The following TCP11 variants were observed in gnomAD, a reference collection of about 807,000 sequenced individuals.
TCP11 encodes the protein t-complex 11, also known as T-complex protein 11 homolog.
TCP11 carries 34 observed loss-of-function variants against 45.0 expected under a neutral mutation model. The observed-to-expected ratio is 0.76, with a 90% CI of 0.57 to 1.01. The LOEUF is 1.01. Ranked by LOEUF, TCP11 falls within the 50% of genes least tolerant of loss-of-function variation. The pLI is 0.00. For missense variants in TCP11, 523 were observed against 598.1 expected (o/e 0.87, Z 1.31); for synonymous variants, 227 against 227.0 (o/e 1.00, Z 0.00).
intron 8 of TCP11, among the ~76,000 whole-genome samples, chr6:35,119,728 A>G (rs751630054): frequency 6.6e-6 from 1 of 152,160 alleles, no homozygotes; most frequent in Non-Finnish European, 1.5e-5. Flanking sequence ...ATTTTTATAT[A>G]TATATGTTTA....
At chr6:35,140,295 T>C (rs371185229) in intron 2 of TCP11, 46 of 1,223,072 alleles carry the variant, frequency 3.8e-5, no homozygotes, top group East Asian at 8.9e-5. Context: ...GGAGAAGACC[T>C]TGTGCCCCAA....
At chr6:35,140,156 A>C in intron 2 of TCP11, 2 of 1,603,312 alleles carry the variant, frequency 1.2e-6, no homozygotes, top group Non-Finnish European at 1.7e-6. Context: ...TTCGCATTTC[A>C]ATAGTCAAGA....
At chr6:35,128,735 G>A (rs970164836) in intron 4 of TCP11, 8 of 205,160 alleles carry the variant, frequency 3.9e-5, no homozygotes, top group Non-Finnish European at 5.9e-5. Flanking sequence ...GGCCAGTAAC[G>A]TCTCATGGCA....
Position 35,120,709 on chromosome 6 carries a change from A to G in TCP11, c.716-63T>C. On this transcript the variant is annotated intron_variant, in intron 6 of 9. Coordinates refer to ENST00000311875, the MANE Select transcript of TCP11 (RefSeq NM_001370687.1). The surrounding 1 kb of genome is among the most constrained non-coding windows in gnomAD (Gnocchi z 4.9). ...TCTTCATCTCTGAGGCTTCAAGACC[A>G]AGGTTCTTTTCAAGTATACTCCTGG... 1.3e-6 allele frequency: 2 copies of G among 1,518,482 alleles called. No individual in the cohort carries two copies. The highest frequency in any genetic ancestry group is 2.3e-5 in the East Asian group (1 of 44,164). The allele number at this position is 1,518,482 out of a possible 1,614,324, so 94.1% of individuals were successfully genotyped here.
chr6:35,131,631 C>CA (rs1175403346), intron 3 of TCP11, among the ~76,000 whole-genome samples: 4 of 152,036 alleles, frequency 2.6e-5, no homozygotes, highest in African/African-American at 9.6e-5. Flanking sequence ...CATCAAGCCA[C>CA]AAAAAAACAT....
chr6:35,119,410 T>C lies in TCP11; in HGVS notation c.1116-19A>G. ...CTCAGGCCTAGACCATGAAAGAAAG[T>C]AAGCTGGCACCCACCAGGTAACCCT... On this transcript the variant is annotated intron_variant, in intron 8 of 9. Coordinates refer to ENST00000311875, the MANE Select transcript of TCP11 (RefSeq NM_001370687.1). 1 of 1,612,094 alleles carries C rather than the reference T, an allele frequency of 6.2e-7. No individual in the cohort carries two copies. The highest frequency in any genetic ancestry group is 8.5e-7 in the Non-Finnish European group (1 of 1,178,944).
chr6:35,140,515 A>G, intron 2 of TCP11: 1 of 647,428 alleles, frequency 1.5e-6, no homozygotes, highest in East Asian at 3.1e-5. Context: ...CTCAGTCTCA[A>G]ATCTTGTCAG....
chr6:35,126,848 G>A lies in TCP11; in HGVS notation c.357+2214C>T, dbSNP rs185266503. On this transcript the variant is annotated intron_variant, in intron 4 of 9. Coordinates refer to ENST00000311875, the MANE Select transcript of TCP11 (RefSeq NM_001370687.1). Reference sequence around the variant, plus strand: ...TAATTTTTCTATTTTTTGTAGAGATGGGTTTCACCACATTACCCAAGCTGG... The same window carrying A: ...TAATTTTTCTATTTTTTGTAGAGATAGGTTTCACCACATTACCCAAGCTGG... Among the ~76,000 whole-genome samples, 6 of 151,688 alleles carry A rather than the reference G, an allele frequency of 4.0e-5. No individual in the cohort carries two copies. The East Asian group carries it at 9.7e-4, about 25-fold the overall frequency.
At chr6:35,121,706 G>A (rs1039515010) in intron 5 of TCP11, among the ~76,000 whole-genome samples, 2 of 151,868 alleles carry the variant, frequency 1.3e-5, no homozygotes, top group Non-Finnish European at 2.9e-5. Flanking sequence ...CCAGCTACTC[G>A]GGAGGCTGAG....
intron 2 of TCP11, 122 bp from the exon 3 acceptor site, chr6:35,136,340 T>C: frequency 1.5e-6 from 1 of 654,008 alleles, no homozygotes. Flanking sequence ...CTCACCCAAC[T>C]ATTCTAGTGA....
At chr6:35,129,338 C>A (rs1194804790) in intron 3 of TCP11, among the ~76,000 whole-genome samples, 156 bp from the exon 4 acceptor site, 1 of 152,184 alleles carries the variant, frequency 6.6e-6, no homozygotes, top group Non-Finnish European at 1.5e-5. Flanking sequence ...CAGAGTTGAA[C>A]AAGCTAGGGT....
intron 3 of TCP11, among the ~76,000 whole-genome samples, chr6:35,130,760 C>T (rs1248235960): frequency 2.0e-5 from 3 of 152,186 alleles, no homozygotes; most frequent in African/African-American, 7.2e-5. Flanking sequence ...ACATTCACTG[C>T]TGGTCAGATG....
intron 9 of TCP11, among the ~76,000 whole-genome samples, chr6:35,118,927 G>A (rs34177585): frequency 0.18 from 27,240 of 151,956 alleles, 3,016 homozygotes; most frequent in African/African-American, 0.29. Context: ...TTGGGAGATG[G>A]GGGAATGTCA....
rs755581161 is a variant in TCP11, at chr6:35,118,252, GCT to G, written c.*15_*16del. Reference sequence around the variant, plus strand: ...CTCCTCTTGGGTCCAAGGTACCAGGGCTCTGAGCCGACGCTATCAAACAGACT... The same window carrying G: ...CTCCTCTTGGGTCCAAGGTACCAGGGCTGAGCCGACGCTATCAAACAGACT... On this transcript the variant is annotated 3_prime_UTR_variant, in exon 10 of 10. Transcript: ENST00000311875. 1 of 1,608,194 alleles carries G rather than the reference GCT, an allele frequency of 6.2e-7. No individual in the cohort carries two copies. The highest frequency in any genetic ancestry group is 1.1e-5 in the South Asian group (1 of 90,952).
rs1228572417 is a variant in TCP11 at position 35,140,873 on chromosome 6, T to C, written c.-3A>G. The C allele has an allele frequency of 6.3e-7, 1 of 1,575,762 alleles. No individual in the cohort carries two copies. The highest frequency in any genetic ancestry group is 1.9e-5 in the Admixed American group (1 of 53,182). On this transcript the variant is annotated 5_prime_UTR_variant, in exon 2 of 10. Transcript: ENST00000311875. ...ACACTCTCCTTGACGTCTGGCATTTTGCTGATGGTATCTGGGTGAGGGAGA... is the reference window on the plus strand; with the variant it reads ...ACACTCTCCTTGACGTCTGGCATTTCGCTGATGGTATCTGGGTGAGGGAGA...
intron 4 of TCP11, among the ~76,000 whole-genome samples, chr6:35,126,503 C>G (rs1779834221): frequency 6.6e-6 from 1 of 151,986 alleles, no homozygotes; most frequent in African/African-American, 2.4e-5. Flanking sequence ...ACTGGTCTGA[C>G]CAAAAAGCTT....
At chr6:35,137,939 T>A in intron 2 of TCP11, 2 of 386,266 alleles carry the variant, frequency 5.2e-6, no homozygotes. Flanking sequence ...GATTTGAAAA[T>A]GTAAAAAGGA....
rs1237340129 is a variant in TCP11, at chr6:35,120,080, T to C, written c.1115+79A>G. 16 of 1,522,726 alleles carry C rather than the reference T, an allele frequency of 1.1e-5. No individual in the cohort carries two copies. The highest frequency in any genetic ancestry group is 1.4e-5 in the Non-Finnish European group (16 of 1,125,350). The allele number at this position is 1,522,726 out of a possible 1,614,324, so 94.3% of individuals were successfully genotyped here. ...CCTTTCTGTGGTTTGTGGTAGACAG[T>C]AAGCAATCGTTCATTACCTGCCTAT... On this transcript the variant is annotated intron_variant, in intron 8 of 9. Transcript: ENST00000311875. This position sits in a 1 kb window ranked among gnomAD's most constrained non-coding sequence, Gnocchi z 4.9.
At chr6:35,138,359 T>C (rs1213679095) in intron 2 of TCP11, among the ~76,000 whole-genome samples, 1 of 152,142 alleles carries the variant, frequency 6.6e-6, no homozygotes, top group Non-Finnish European at 1.5e-5. Context: ...AGACAAATGG[T>C]AGATATACAC....
Sources: allele counts gnomAD v4.1 joint callset (sites outside exome capture counted in the v4.1 genomes callset), GRCh38; gene constraint gnomAD v4.1.1; non-coding constraint Gnocchi (gnomAD v3.1); transcripts MANE v1.5; gene names NCBI Gene and HGNC (gene_info 2026-07-23, HGNC 2026-07-21).